Variants in SCOC observed in about 807,000 individuals in gnomAD.
The protein encoded by SCOC is short coiled-coil protein.
Under a neutral mutation model 9.9 loss-of-function variants are expected in SCOC, and 7 were observed. The observed-to-expected ratio is 0.71, with a 90% CI of 0.40 to 1.33. The LOEUF (loss-of-function observed/expected upper bound fraction) is 1.33. Ranked by LOEUF, SCOC falls within the 40% of genes most tolerant of loss-of-function variation. The pLI is 0.01. For missense variants in SCOC, 66 were observed against 89.7 expected (o/e 0.74, Z 1.07); for synonymous variants, 19 against 28.2 (o/e 0.67, Z 1.03).
intron 1 of SCOC, among the ~76,000 whole-genome samples, chr4:140,283,422 C>T (rs1023213332): frequency 6.6e-6 from 1 of 152,118 alleles, no homozygotes; most frequent in Non-Finnish European, 1.5e-5. Context: ...CAAATGGAGT[C>T]AAAGTTCTGA....
At chr4:140,355,599 G>T (rs1727193700) in intron 2 of SCOC, among the ~76,000 whole-genome samples, 1 of 152,156 alleles carries the variant, frequency 6.6e-6, no homozygotes, top group Non-Finnish European at 1.5e-5. Context: ...GCAATAAGGT[G>T]CCTGCATTGC....
chr4:140,292,039 C>T (rs143090944), intron 1 of SCOC, among the ~76,000 whole-genome samples: 34 of 152,110 alleles, frequency 2.2e-4, no homozygotes, highest in African/African-American at 6.7e-4. Context: ...TTTATTGGAA[C>T]GACCACCCTC....
chr4:140,365,429 C>T (rs1246054126), intron 2 of SCOC, among the ~76,000 whole-genome samples: 1 of 152,218 alleles, frequency 6.6e-6, no homozygotes, highest in African/African-American at 2.4e-5. Flanking sequence ...AATGGCATGG[C>T]TTCTATGATA....
chr4:140,382,811 T>G lies in SCOC; in HGVS notation c.*1707T>G, dbSNP rs1728613902. On this transcript the variant is annotated 3_prime_UTR_variant, in exon 4 of 4. Transcript: ENST00000608372. Reference sequence around the variant, plus strand: ...TCTCCAGGGAAAAAGGAAGTTGTATTTTTTAGGGTAGGCTAAGCTACTTTA... The same window carrying G: ...TCTCCAGGGAAAAAGGAAGTTGTATGTTTTAGGGTAGGCTAAGCTACTTTA... 6.6e-6 allele frequency: 1 copy of G among 152,194 alleles called. No individual in the cohort carries two copies. 9.4% of individuals were successfully genotyped at this position (152,194 alleles called of 1,614,324 possible).
At chr4:140,344,168 G>A (rs770509899) in intron 2 of SCOC, among the ~76,000 whole-genome samples, 2 of 152,170 alleles carry the variant, frequency 1.3e-5, no homozygotes, top group Non-Finnish European at 2.9e-5. Flanking sequence ...AATTCAACAT[G>A]AGAGAAGGAA....
chr4:140,346,873 C>T (rs1578836069), intron 2 of SCOC, among the ~76,000 whole-genome samples: 1 of 152,162 alleles, frequency 6.6e-6, no homozygotes, highest in Non-Finnish European at 1.5e-5. Context: ...GCATCTCAAC[C>T]TCTCTCAGAC....
At chr4:140,278,957 T>C (rs1292699992) in intron 1 of SCOC, among the ~76,000 whole-genome samples, 1 of 151,214 alleles carries the variant, frequency 6.6e-6, no homozygotes, top group Non-Finnish European at 1.5e-5. Context: ...GGATGAAGTA[T>C]TCTGAGGTGA....
At chr4:140,334,150 C>G (rs1214427964) in intron 1 of SCOC, among the ~76,000 whole-genome samples, 1 of 152,148 alleles carries the variant, frequency 6.6e-6, no homozygotes, top group Non-Finnish European at 1.5e-5. Context: ...AACTCCCAGG[C>G]TCAAGCAATC....
intron 1 of SCOC, chr4:140,285,162 T>C (rs1002048835): frequency 1.5e-5 from 7 of 456,518 alleles, no homozygotes; most frequent in Non-Finnish European, 3.1e-5. Context: ...AAACAGGAGT[T>C]GGGTCCCAAG....
At chr4:140,293,758 A>G (rs1731545013) in intron 1 of SCOC, among the ~76,000 whole-genome samples, 1 of 152,186 alleles carries the variant, frequency 6.6e-6, no homozygotes, top group African/African-American at 2.4e-5. Context: ...CTCCCAGCAG[A>G]TCCCCTTAAA....
intron 1 of SCOC, chr4:140,291,343 T>G: frequency 2.2e-6 from 1 of 454,172 alleles, no homozygotes; most frequent in African/African-American, 2.0e-5. Flanking sequence ...CCTGGAGTCC[T>G]AAAGACTTCA....
At chr4:140,344,094 A>G (rs141529479) in intron 2 of SCOC, among the ~76,000 whole-genome samples, 8 of 152,314 alleles carry the variant, frequency 5.3e-5, no homozygotes, top group Non-Finnish European at 1.0e-4. Flanking sequence ...GAACTAGACT[A>G]TGCTGCAATT....
chr4:140,350,159 G>T (rs1726916366), intron 2 of SCOC, among the ~76,000 whole-genome samples: 1 of 152,178 alleles, frequency 6.6e-6, no homozygotes, highest in Non-Finnish European at 1.5e-5. Context: ...TTCAGGCAAT[G>T]CCACCTTCAG....
Position 140,382,038 on chromosome 4 carries a change from TGAG to T in SCOC, c.*935_*937del, listed in dbSNP as rs1728589734. 1.3e-5 allele frequency: 2 copies of T among 152,194 alleles called. No homozygotes were observed. The highest frequency in any genetic ancestry group is 4.8e-5 in the African/African-American group (2 of 41,462). The allele number at this position is 152,194 out of a possible 1,614,324, so 9.4% of individuals were successfully genotyped here. A position where few individuals can be genotyped will look rare whatever the true frequency, so the allele number is the denominator to read the frequency against. On this transcript the variant is annotated 3_prime_UTR_variant, in exon 4 of 4. Coordinates refer to ENST00000608372, the MANE Select transcript of SCOC (RefSeq NM_001153484.2). ...TACCCTTATGTTAGCCACATCTGGA[TGAG>T]AACAGTTACAAAGAGTTTGGTCTCT... is the stretch of plus-strand genomic sequence containing the variant.
At chr4:140,277,820 T>C (rs948799920) in intron 1 of SCOC, among the ~76,000 whole-genome samples, 5 of 152,162 alleles carry the variant, frequency 3.3e-5, no homozygotes, top group Non-Finnish European at 7.3e-5. Context: ...AAGGCCCAAA[T>C]GGGAATTATC....
At chr4:140,326,891 G>T (rs779254561) in intron 1 of SCOC, among the ~76,000 whole-genome samples, 28 of 152,150 alleles carry the variant, frequency 1.8e-4, no homozygotes, top group Admixed American at 4.6e-4. Flanking sequence ...ATGTGACTCT[G>T]CTCCTGAGGC....
intron 1 of SCOC, among the ~76,000 whole-genome samples, chr4:140,276,802 C>T (rs1730995239): frequency 6.6e-6 from 1 of 152,126 alleles, no homozygotes; most frequent in Admixed American, 6.5e-5. Context: ...CTGGGAGTCC[C>T]CTTAGTCCCA....
chr4:140,349,639 C>T (rs1179875991), intron 2 of SCOC, among the ~76,000 whole-genome samples: 1 of 152,174 alleles, frequency 6.6e-6, no homozygotes, highest in African/African-American at 2.4e-5. Flanking sequence ...GTTACGAAAG[C>T]TAGAAATCCA....
chr4:140,370,547 A>G (rs2668586), upstream of SCOC, among the ~76,000 whole-genome samples: 146,339 of 152,310 alleles, frequency 0.96, 70,329 homozygotes, highest in East Asian at 0.99. Flanking sequence ...AAAGATTCCC[A>G]GGTGATTCTA....
Sources: gnomAD v4.1 joint callset for allele counts (sites outside exome capture counted in the v4.1 genomes callset) on GRCh38, gnomAD v4.1.1 for gene constraint, MANE v1.5 for transcripts, NCBI Gene and HGNC (gene_info 2026-07-23, HGNC 2026-07-21) for gene names.